HERC4: variants seen among roughly 807,000 people sequenced by gnomAD.
The protein encoded by HERC4 is probable E3 ubiquitin-protein ligase HERC4.
Under a neutral mutation model 124.3 loss-of-function variants are expected in HERC4, and 28 were observed. The observed-to-expected ratio is 0.23, with a 90% confidence interval of 0.17 to 0.31. The LOEUF (loss-of-function observed/expected upper bound fraction) is 0.31, where lower values mean the gene tolerates loss of function less well. Ranked by LOEUF, HERC4 falls within the 10% of genes least tolerant of loss-of-function variation. HERC4 has a pLI of 1.00. For synonymous variants in HERC4, 407 were observed against 421.5 expected, an observed-to-expected ratio of 0.97 and a Z score of 0.42; for missense variants, 713 against 1,229.3, an observed-to-expected ratio of 0.58 and a Z score of 6.28.
At chr10:68,006,356 CGTTTTTGTTTTT>C (rs1014100948) in intron 9 of HERC4, among the ~76,000 whole-genome samples, 6 of 149,284 alleles carry the variant, frequency 4.0e-5, no homozygotes, top group Admixed American at 1.3e-4. Context: ...AACGCCTCAG[CGTTTTTGTTTTT>C]GTTTTTGTTT....
At chr10:68,064,765 G>GT (rs1162668822) in intron 3 of HERC4, among the ~76,000 whole-genome samples, 1 of 151,992 alleles carries the variant, frequency 6.6e-6, no homozygotes, top group Non-Finnish European at 1.5e-5. Flanking sequence ...AAGGTCAGGA[G>GT]TTTGAGACCA....
At chr10:67,980,830 C>CA (rs1172382649) in intron 15 of HERC4, among the ~76,000 whole-genome samples, 1 of 152,050 alleles carries the variant, frequency 6.6e-6, no homozygotes, top group Non-Finnish European at 1.5e-5. Context: ...AAGTTGTTAT[C>CA]AATTTAAAAT....
chr10:67,969,503 G>A (rs1275821015), intron 15 of HERC4, among the ~76,000 whole-genome samples: 1 of 152,110 alleles, frequency 6.6e-6, no homozygotes, highest in Non-Finnish European at 1.5e-5. Flanking sequence ...AATATCAAGA[G>A]CCTCTCTCAA....
intron 16 of HERC4, chr10:67,961,005 G>A (rs2034480446): frequency 5.7e-6 from 2 of 352,674 alleles, no homozygotes; most frequent in Non-Finnish European, 5.4e-6. Flanking sequence ...ACCTGTTGGT[G>A]CTGAGAGTAA....
chr10:67,923,993 G>C (rs1271646860), intron 24 of HERC4, among the ~76,000 whole-genome samples: 2 of 151,720 alleles, frequency 1.3e-5, no homozygotes, highest in Non-Finnish European at 2.9e-5. Context: ...GGGAACTAAG[G>C]CCTGAAAAAG....
intron 10 of HERC4, 112 bp downstream of exon 10, chr10:67,992,494 G>C: frequency 9.1e-7 from 1 of 1,098,412 alleles, no homozygotes; most frequent in Non-Finnish European, 1.3e-6. Context: ...GACTTAAGGG[G>C]AAAAAAACTA....
At chr10:67,932,277 G>A (rs1444489138) in intron 23 of HERC4, among the ~76,000 whole-genome samples, 1 of 152,120 alleles carries the variant, frequency 6.6e-6, no homozygotes, top group Non-Finnish European at 1.5e-5. Context: ...TTAGAGATCA[G>A]GTCTTGCTGT....
chr10:68,029,886 C>T (rs2039108711), intron 7 of HERC4, among the ~76,000 whole-genome samples: 1 of 151,122 alleles, frequency 6.6e-6, no homozygotes, highest in Non-Finnish European at 1.5e-5. Context: ...TTACAGGCGC[C>T]TGCCACCACG....
At chr10:67,979,508 A>G (rs1180361442) in intron 15 of HERC4, among the ~76,000 whole-genome samples, 1 of 152,144 alleles carries the variant, frequency 6.6e-6, no homozygotes, top group African/African-American at 2.4e-5. Flanking sequence ...TAAAGAGGAG[A>G]TAGATGGGGC....
chr10:67,956,619 A>T (rs1305464362), intron 17 of HERC4: 2 of 249,344 alleles, frequency 8.0e-6, no homozygotes, highest in African/African-American at 4.5e-5. Flanking sequence ...TAAAGATTGA[A>T]TATTTCTGTA....
chr10:67,959,705 AAAGT>A (rs1216303044), intron 16 of HERC4, among the ~76,000 whole-genome samples: 2 of 152,222 alleles, frequency 1.3e-5, no homozygotes, highest in African/African-American at 4.8e-5. Flanking sequence ...TTTAAAATAG[AAAGT>A]ACAGGACAGG....
At chr10:68,026,489 T>C (rs755096980) in intron 7 of HERC4, among the ~76,000 whole-genome samples, 13 of 152,068 alleles carry the variant, frequency 8.5e-5, no homozygotes, top group Admixed American at 2.0e-4. Context: ...GGTGGATCAC[T>C]TGAGCTCAAG....
intron 22 of HERC4, among the ~76,000 whole-genome samples, chr10:67,934,929 T>C (rs1262398942): frequency 6.6e-6 from 1 of 151,836 alleles, no homozygotes; most frequent in African/African-American, 2.4e-5. Flanking sequence ...AATATTTTCT[T>C]TGACAGATTT....
chr10:67,936,800 CCTT>C (rs1385634299), intron 21 of HERC4, among the ~76,000 whole-genome samples: 1 of 152,092 alleles, frequency 6.6e-6, no homozygotes, highest in African/African-American at 2.4e-5. Context: ...TTTTGCTACT[CCTT>C]CTTTTTGGAA....
At chr10:67,963,579 T>A (rs1172890540) in intron 16 of HERC4, among the ~76,000 whole-genome samples, 1 of 152,158 alleles carries the variant, frequency 6.6e-6, no homozygotes, top group African/African-American at 2.4e-5. Flanking sequence ...CACCAAGAGT[T>A]TAGAACTAGT....
chr10:67,923,250 CGT>C, intron 24 of HERC4, 111 bp from the exon 25 acceptor site: 1 of 721,206 alleles, frequency 1.4e-6, no homozygotes, highest in Non-Finnish European at 2.3e-6. Context: ...TCTGCTCTAA[CGT>C]GTTATCTTAC....
chr10:67,967,115 A>C (rs1211854794), intron 15 of HERC4, among the ~76,000 whole-genome samples: 1 of 152,190 alleles, frequency 6.6e-6, no homozygotes, highest in Non-Finnish European at 1.5e-5. Context: ...TGGCCTCCCA[A>C]AGTGTTGGGA....
chr10:67,973,219 A>AAGGAGAAC (rs1418132872), intron 15 of HERC4, among the ~76,000 whole-genome samples: 7 of 152,192 alleles, frequency 4.6e-5, no homozygotes, highest in African/African-American at 1.7e-4. Flanking sequence ...AAAAGGTTTG[A>AAGGAGAAC]AGGAGAACAT....
chr10:67,959,619 T>C (rs892117546), intron 16 of HERC4, among the ~76,000 whole-genome samples: 3 of 152,138 alleles, frequency 2.0e-5, no homozygotes, highest in Non-Finnish European at 4.4e-5. Flanking sequence ...AAGCCATAAA[T>C]TGTTTTTATT....
Sources: gnomAD v4.1 joint callset for allele counts (sites outside exome capture counted in the v4.1 genomes callset) on GRCh38, gnomAD v4.1.1 for gene constraint, MANE v1.5 for transcripts, NCBI Gene and HGNC (gene_info 2026-07-23, HGNC 2026-07-21) for gene names.